Variants in RGS6 observed in about 807,000 individuals in gnomAD.
The protein encoded by RGS6 is regulator of G protein signaling 6, also known as regulator of G-protein signaling 6.
Under a neutral mutation model 78.5 loss-of-function variants are expected in RGS6, and 30 were observed. That is an observed-to-expected ratio of 0.38 (90% CI 0.29 to 0.52). The LOEUF is 0.52. Ranked by LOEUF, RGS6 falls within the 20% of genes least tolerant of loss-of-function variation. The pLI is 0.85. For synonymous variants in RGS6, 206 were observed against 206.0 expected, an observed-to-expected ratio of 1.00 and a Z score of 0.00; for missense variants, 495 against 609.7, an observed-to-expected ratio of 0.81 and a Z score of 1.98.
intron 2 of RGS6, among the ~76,000 whole-genome samples, chr14:72,130,186 A>C (rs2153588228): frequency 6.6e-6 from 1 of 152,242 alleles, no homozygotes; most frequent in Non-Finnish European, 1.5e-5. Flanking sequence ...ACCAGCTGAG[A>C]ATTTATGTAG....
At chr14:71,872,844 A>G in the RGS6 span, among the ~76,000 whole-genome samples, 3 of 152,098 alleles carry the variant, frequency 2.0e-5, no homozygotes, top group Non-Finnish European at 4.4e-5. Context: ...TCCTGTGTCC[A>G]AGTGTTCTCA....
intron 2 of RGS6, among the ~76,000 whole-genome samples, chr14:72,111,549 C>T (rs17768774): frequency 0.027 from 4,092 of 152,284 alleles, 73 homozygotes; most frequent in East Asian, 0.077. Flanking sequence ...CTTCAAAATA[C>T]GCTTTGAACA....
At position 72,079,195 on chromosome 14, in the gene RGS6, C is replaced by T. The variant is rs965624559; in HGVS notation, c.84+114320C>T. ...CTTTTTTTTTTCCCCCTATTTCTTCCTTGAAAATTCTGGAGCTTTTTGAAA... is the reference window on the plus strand; with the variant it reads ...CTTTTTTTTTTCCCCCTATTTCTTCTTTGAAAATTCTGGAGCTTTTTGAAA... On this transcript the variant is annotated intron_variant, in intron 2 of 17. Coordinates refer to ENST00000553525, the MANE Select transcript of RGS6 (RefSeq NM_001204424.2). 4.6e-5 allele frequency among the ~76,000 whole-genome samples: 7 copies of T among 151,616 alleles called. No homozygotes were observed. In the East Asian group the frequency reaches 1.4e-3, roughly 29 times the overall value.
the RGS6 span, among the ~76,000 whole-genome samples, chr14:72,624,628 C>T: frequency 1.3e-5 from 2 of 152,194 alleles, no homozygotes; most frequent in African/African-American, 2.4e-5. Context: ...CGTGAGCCAC[C>T]ACGCCCGGCC....
chr14:72,453,012 CT>C (rs1214820762), intron 3 of RGS6, among the ~76,000 whole-genome samples: 1 of 152,164 alleles, frequency 6.6e-6, no homozygotes, highest in African/African-American at 2.4e-5. Flanking sequence ...GCCTGTTGCA[CT>C]TGGAGGGAGG....
chr14:72,034,341 C>G (rs1008205178), intron 2 of RGS6, among the ~76,000 whole-genome samples: 1 of 148,684 alleles, frequency 6.7e-6, no homozygotes, highest in South Asian at 2.1e-4. Context: ...GAGGTAATTT[C>G]TTTCTATTAA....
the RGS6 span, among the ~76,000 whole-genome samples, chr14:71,886,999 A>G: frequency 1.3e-5 from 2 of 152,038 alleles, no homozygotes; most frequent in Non-Finnish European, 2.9e-5. Flanking sequence ...AAAATACAAA[A>G]ATTAGTCAGG....
At chr14:72,079,139 C>A (rs2094710358) in intron 2 of RGS6, among the ~76,000 whole-genome samples, 1 of 151,886 alleles carries the variant, frequency 6.6e-6, no homozygotes, top group Non-Finnish European at 1.5e-5. Flanking sequence ...TTCTCCCTAA[C>A]TGAGAGAGGA....
intron 2 of RGS6, among the ~76,000 whole-genome samples, chr14:72,092,124 C>T (rs1362719079): frequency 2.0e-5 from 3 of 152,026 alleles, no homozygotes; most frequent in Admixed American, 2.0e-4. Flanking sequence ...CTCCTGAATT[C>T]AATCAATTCT....
In RGS6 at chr14:72,159,465, G is replaced by GTCAA. The variant is rs2096822995; in HGVS notation, c.85-192628_85-192625dup. On this transcript the variant is annotated intron_variant, in intron 2 of 17. Transcript: ENST00000553525. The stretch of plus-strand genomic sequence containing the variant: ...CAGAACTTTGCCTCTTGGCCTCTCA[G>GTCAA]TCAATTGTGATCTGACTGACATCCA... Among the ~76,000 whole-genome samples the GTCAA allele has an allele frequency of 2.0e-5, 3 of 152,200 alleles. No homozygotes were observed. In the South Asian group the frequency reaches 6.2e-4, roughly 32 times the overall value.
the RGS6 span, among the ~76,000 whole-genome samples, chr14:71,907,462 A>G: frequency 6.6e-6 from 1 of 152,156 alleles, no homozygotes; most frequent in South Asian, 2.1e-4. Flanking sequence ...GGGTTGGAGT[A>G]GGAAGAACCA....
intron 2 of RGS6, among the ~76,000 whole-genome samples, chr14:72,053,370 T>G (rs2093446701): frequency 6.6e-6 from 1 of 151,790 alleles, no homozygotes; most frequent in South Asian, 2.1e-4. Context: ...TGCCCGCCTC[T>G]GCCTCCCGAA....
At chr14:72,540,009 T>G in intron 16 of RGS6, 32 bp from the exon 17 acceptor site, 1 of 1,537,016 alleles carries the variant, frequency 6.5e-7, no homozygotes, top group African/African-American at 1.4e-5. Flanking sequence ...TTTCTGTATT[T>G]TTCTCCCTAC....
chr14:72,320,440 T>TGG (rs1449320054), intron 2 of RGS6, among the ~76,000 whole-genome samples: 1 of 151,956 alleles, frequency 6.6e-6, no homozygotes, highest in Non-Finnish European at 1.5e-5. Context: ...TAGCTGGGCG[T>TGG]GGTGGCGGGC....
At chr14:71,958,793 G>T (rs2092982522) in intron 1 of RGS6, among the ~76,000 whole-genome samples, 1 of 152,166 alleles carries the variant, frequency 6.6e-6, no homozygotes, top group Admixed American at 6.5e-5. Flanking sequence ...AAATCATCTG[G>T]AAAATGGTTA....
chr14:72,322,272 C>G (rs1267515890), intron 2 of RGS6, among the ~76,000 whole-genome samples: 3 of 151,772 alleles, frequency 2.0e-5, no homozygotes, highest in Non-Finnish European at 3.0e-5. Context: ...TATGAAAAAT[C>G]AATAAATCAT....
intron 2 of RGS6, among the ~76,000 whole-genome samples, chr14:72,026,502 C>T (rs1379500818): frequency 6.6e-6 from 1 of 152,190 alleles, no homozygotes; most frequent in African/African-American, 2.4e-5. Flanking sequence ...TTAAAACTGG[C>T]AGAACTGACC....
chr14:72,459,595 C>T (rs775229860), intron 5 of RGS6, 37 bp from the exon 6 acceptor site: 13 of 1,608,448 alleles, frequency 8.1e-6, no homozygotes, highest in Middle Eastern at 1.6e-4. Context: ...GCAGGCATGG[C>T]GCGCCCCTGA....
At chr14:72,383,628 G>A (rs1053893946) in intron 3 of RGS6, among the ~76,000 whole-genome samples, 7 of 152,078 alleles carry the variant, frequency 4.6e-5, no homozygotes, top group East Asian at 1.9e-4. Flanking sequence ...CACCGGTCCC[G>A]TTCTTAAGTA....
Sources: allele counts gnomAD v4.1 joint callset (sites outside exome capture counted in the v4.1 genomes callset), GRCh38; gene constraint gnomAD v4.1.1; transcripts MANE v1.5; gene names NCBI Gene and HGNC (gene_info 2026-07-23, HGNC 2026-07-21).